The following NBAS variants were observed in gnomAD, a reference collection of about 807,000 sequenced individuals.
The protein encoded by NBAS is NAG/BC035112 fusion.
NBAS carries 219 observed loss-of-function variants against 302.5 expected under a neutral mutation model. That is an observed-to-expected ratio of 0.72 (90% CI 0.65 to 0.81). NBAS has a LOEUF of 0.81. Among genes scored for constraint, NBAS ranks in the 30% least tolerant of loss-of-function variants. The pLI, the probability that NBAS is intolerant of heterozygous loss-of-function variation, is 0.00. For missense variants in NBAS, 2,932 were observed against 2,841.6 expected, an observed-to-expected ratio of 1.03 and a Z score of -0.72; for synonymous variants, 1,118 against 1,021.6, an observed-to-expected ratio of 1.09 and a Z score of -1.80.
intron 23 of NBAS, among the ~76,000 whole-genome samples, chr2:15,420,176 G>A (rs954264020): frequency 2.6e-5 from 4 of 152,138 alleles, no homozygotes; most frequent in African/African-American, 9.7e-5. Context: ...CCTAGGAGAA[G>A]AGTACAATGA....
the NBAS span, among the ~76,000 whole-genome samples, chr2:14,997,286 A>T: frequency 6.6e-6 from 1 of 152,168 alleles, no homozygotes; most frequent in South Asian, 2.1e-4. Flanking sequence ...ACTTATGTAA[A>T]AAACCTTGAC....
rs958660222 is a variant in NBAS at position 15,211,103 on chromosome 2, T to C, written c.6432+7670A>G. ...TAGTAAAAAATAATTTAATTGTACA[T>C]ATAAAAATTACTAAAAGTATAACTT... On this transcript the variant is annotated intron_variant, in intron 48 of 51. Coordinates refer to ENST00000281513, the MANE Select transcript of NBAS (RefSeq NM_015909.4). 5.4e-4 allele frequency among the ~76,000 whole-genome samples: 82 copies of C among 152,270 alleles called. No individual in the cohort carries two copies. In the Middle Eastern group the frequency reaches 0.01, roughly 19 times the overall value.
the NBAS span, among the ~76,000 whole-genome samples, chr2:15,079,684 C>T: frequency 5.9e-5 from 9 of 152,140 alleles, no homozygotes; most frequent in Non-Finnish European, 1.2e-4. Context: ...CCCATTCCCA[C>T]GATGTTCTTG....
the NBAS span, among the ~76,000 whole-genome samples, chr2:15,066,549 G>A: frequency 2.6e-5 from 4 of 152,126 alleles, no homozygotes; most frequent in East Asian, 3.8e-4. Context: ...GTAAAGGATT[G>A]AACAGACATT....
intron 26 of NBAS, among the ~76,000 whole-genome samples, chr2:15,400,898 G>A (rs923266549): frequency 5.3e-5 from 8 of 152,122 alleles, no homozygotes; most frequent in African/African-American, 1.9e-4. Flanking sequence ...TCTTCATGGT[G>A]TTATTTACCT....
the NBAS span, among the ~76,000 whole-genome samples, chr2:15,148,684 T>C: frequency 6.6e-6 from 1 of 152,202 alleles, no homozygotes; most frequent in Admixed American, 6.5e-5. Context: ...GGAAATTATT[T>C]ATAATTTTTT....
chr2:15,464,292 A>T (rs1027083259), intron 19 of NBAS, among the ~76,000 whole-genome samples: 7 of 152,100 alleles, frequency 4.6e-5, no homozygotes, highest in African/African-American at 1.7e-4. Flanking sequence ...ACTATTTCTC[A>T]GCCCCTATTC....
At chr2:15,489,940 C>T (rs1680785467) in intron 11 of NBAS, among the ~76,000 whole-genome samples, 1 of 152,134 alleles carries the variant, frequency 6.6e-6, no homozygotes, top group South Asian at 2.1e-4. Context: ...AAACAGCAGC[C>T]CACAACCATA....
the NBAS span, among the ~76,000 whole-genome samples, chr2:15,060,368 A>G: frequency 6.6e-6 from 1 of 152,162 alleles, no homozygotes; most frequent in South Asian, 2.1e-4. Context: ...CTTTAGTGAC[A>G]GCAGCATGGA....
the NBAS span, among the ~76,000 whole-genome samples, chr2:14,912,935 C>T: frequency 1.3e-5 from 2 of 152,050 alleles, no homozygotes; most frequent in Non-Finnish European, 2.9e-5. Context: ...ATTTCCTGCC[C>T]GTATGAATTT....
At chr2:14,928,593 A>G in the NBAS span, among the ~76,000 whole-genome samples, 1 of 152,156 alleles carries the variant, frequency 6.6e-6, no homozygotes, top group African/African-American at 2.4e-5. Flanking sequence ...TTGGCACTCA[A>G]ATATTTATTG....
chr2:14,862,270 C>G, the NBAS span, among the ~76,000 whole-genome samples: 6 of 151,950 alleles, frequency 3.9e-5, no homozygotes, highest in African/African-American at 9.7e-5. Flanking sequence ...TCCCACGTAC[C>G]AACACACCTG....
At chr2:14,811,543 A>T in the NBAS span, among the ~76,000 whole-genome samples, 1 of 152,226 alleles carries the variant, frequency 6.6e-6, no homozygotes, top group African/African-American at 2.4e-5. Context: ...GACCGGAAGG[A>T]CATCATGATA....
At chr2:15,322,235 T>A in intron 38 of NBAS, among the ~76,000 whole-genome samples, 1 of 93,824 alleles carries the variant, frequency 1.1e-5, no homozygotes, top group Non-Finnish European at 1.9e-5. Context: ...TCAGGACCTG[T>A]CAGGGGGTGG....
At chr2:15,364,449 T>C (rs1674095257) in intron 32 of NBAS, among the ~76,000 whole-genome samples, 1 of 152,090 alleles carries the variant, frequency 6.6e-6, no homozygotes, top group Admixed American at 6.5e-5. Context: ...GAGACTCGCT[T>C]GAATCTGGGA....
chr2:14,931,919 A>G, the NBAS span, among the ~76,000 whole-genome samples: 1 of 152,198 alleles, frequency 6.6e-6, no homozygotes, highest in South Asian at 2.1e-4. Context: ...TTTACTGGAT[A>G]GTATTTTTAT....
the NBAS span, among the ~76,000 whole-genome samples, chr2:14,912,943 T>C: frequency 6.6e-6 from 1 of 152,194 alleles, no homozygotes; most frequent in East Asian, 1.9e-4. Flanking sequence ...CCCGTATGAA[T>C]TTATGTTCTT....
chr2:15,434,130 T>TA (rs1677895450), intron 21 of NBAS, among the ~76,000 whole-genome samples: 1 of 151,672 alleles, frequency 6.6e-6, no homozygotes, highest in South Asian at 2.1e-4. Context: ...CTCAAAAAAA[T>TA]AAATTAAATT....
chr2:15,003,441 C>T, the NBAS span, among the ~76,000 whole-genome samples: 3 of 152,152 alleles, frequency 2.0e-5, no homozygotes, highest in African/African-American at 7.2e-5. Context: ...CCAACCCACT[C>T]ATAAAACTTA....
Sources: allele counts gnomAD v4.1 joint callset (sites outside exome capture counted in the v4.1 genomes callset), GRCh38; gene constraint gnomAD v4.1.1; transcripts MANE v1.5; gene names NCBI Gene and HGNC (gene_info 2026-07-23, HGNC 2026-07-21).